The following INVS variants were observed in gnomAD, a reference collection of about 807,000 sequenced individuals.
INVS encodes inversin.
Under a neutral mutation model 108.8 loss-of-function variants are expected in INVS, and 86 were observed. The ratio of observed to expected loss-of-function variants is 0.79; its 90% confidence interval spans 0.66 to 0.95. The LOEUF (loss-of-function observed/expected upper bound fraction) is 0.95. Among genes scored for constraint, INVS ranks in the 40% least tolerant of loss-of-function variants. INVS has a pLI of 0.00. For synonymous variants in INVS, 455 were observed against 473.5 expected (o/e 0.96, Z 0.51); for missense variants, 1,169 against 1,297.4 (o/e 0.90, Z 1.52).
At chr9:100,202,144 C>A (rs1830552026) in intron 3 of INVS, among the ~76,000 whole-genome samples, 1 of 151,476 alleles carries the variant, frequency 6.6e-6, no homozygotes, top group African/African-American at 2.4e-5. Context: ...GTGCACTGAA[C>A]TTAATACTGT....
chr9:100,156,901 A>G (rs1229967192), intron 3 of INVS, among the ~76,000 whole-genome samples: 1 of 150,118 alleles, frequency 6.7e-6, no homozygotes, highest in East Asian at 2.0e-4. Context: ...GACCTTATAA[A>G]CCACTCAAAC....
chr9:100,252,032 G>C (rs565328975), intron 8 of INVS, among the ~76,000 whole-genome samples: 1 of 152,242 alleles, frequency 6.6e-6, no homozygotes, highest in South Asian at 2.1e-4. Context: ...TACCATTTCA[G>C]ACCAACAGGA....
rs182161563 is a variant in INVS, at chr9:100,255,341, A to G, written c.1464+2205A>G. On this transcript the variant is annotated intron_variant, in intron 10 of 16. Coordinates refer to ENST00000262457, the MANE Select transcript of INVS (RefSeq NM_014425.5). ...TGAGACAATGGGGTTTTCTAAATAT[A>G]CAATCATGTCATCCGCAAACAGGGA... Among the ~76,000 whole-genome samples the G allele has an allele frequency of 4.6e-5, 7 of 152,314 alleles. No individual in the cohort carries two copies. The East Asian group carries it at 9.6e-4, about 21-fold the overall frequency.
chr9:100,187,908 T>G (rs1830101119), intron 3 of INVS, among the ~76,000 whole-genome samples: 3 of 152,160 alleles, frequency 2.0e-5, no homozygotes, highest in African/African-American at 7.2e-5. Context: ...AGTTTTTTGT[T>G]TTGTTTTGGT....
intron 3 of INVS, among the ~76,000 whole-genome samples, chr9:100,146,793 T>C (rs1467159479): frequency 6.6e-6 from 1 of 152,232 alleles, no homozygotes; most frequent in Non-Finnish European, 1.5e-5. Context: ...AGCTAACATA[T>C]GGATGAATAA....
chr9:100,122,218 G>A (rs1326435359), intron 2 of INVS, among the ~76,000 whole-genome samples: 1 of 152,140 alleles, frequency 6.6e-6, no homozygotes, highest in East Asian at 1.9e-4. Context: ...GTTCTTCTGT[G>A]TCCTTGCTGA....
In INVS at chr9:100,121,575, C is replaced by A. The variant is rs546540734; in HGVS notation, c.107-4808C>A. ...CTTTGTAGTGATGTCATTCTTGATA[C>A]TGGGAATTTGTGTCTGCTCTGTTTT... On this transcript the variant is annotated intron_variant, in intron 2 of 16. Transcript: ENST00000262457. 7.9e-5 allele frequency among the ~76,000 whole-genome samples: 12 copies of A among 152,262 alleles called. No individual in the cohort carries two copies. The South Asian group carries it at 2.5e-3, about 32-fold the overall frequency.
chr9:100,212,497 C>T (rs1006924861), intron 3 of INVS, among the ~76,000 whole-genome samples: 1 of 152,082 alleles, frequency 6.6e-6, no homozygotes, highest in Non-Finnish European at 1.5e-5. Context: ...CCCTCCCCAA[C>T]AACCTTTTCT....
chr9:100,170,447 T>C (rs1443476009), intron 3 of INVS, among the ~76,000 whole-genome samples: 1 of 151,626 alleles, frequency 6.6e-6, no homozygotes, highest in Non-Finnish European at 1.5e-5. Context: ...ACAGCTGTGG[T>C]CCCAGCTACT....
At chr9:100,162,316 C>T (rs1385144860) in intron 3 of INVS, among the ~76,000 whole-genome samples, 1 of 152,154 alleles carries the variant, frequency 6.6e-6, no homozygotes. Context: ...TATTATTTTA[C>T]ACATCAAGCA....
chr9:100,108,950 A>G (rs1827258005), intron 2 of INVS, among the ~76,000 whole-genome samples: 2 of 152,244 alleles, frequency 1.3e-5, no homozygotes, highest in Non-Finnish European at 2.9e-5. Context: ...ATTAGGGCTT[A>G]CTTCTGAGCC....
At chr9:100,277,468 A>G (rs1406585003) in intron 12 of INVS, among the ~76,000 whole-genome samples, 1 of 152,188 alleles carries the variant, frequency 6.6e-6, no homozygotes, top group Non-Finnish European at 1.5e-5. Context: ...TTTCATCAGT[A>G]AAATGGAAAG....
intron 3 of INVS, among the ~76,000 whole-genome samples, chr9:100,161,177 A>T (rs1267638722): frequency 1.3e-5 from 2 of 151,416 alleles, no homozygotes; most frequent in Non-Finnish European, 2.9e-5. Flanking sequence ...GGAGTTTCAG[A>T]CCAGTCTGGC....
chr9:100,219,505 C>T (rs1393941566), intron 3 of INVS, among the ~76,000 whole-genome samples: 2 of 152,058 alleles, frequency 1.3e-5, no homozygotes, highest in Non-Finnish European at 2.9e-5. Flanking sequence ...CAGACAAAAC[C>T]CAGTGTGGTG....
intron 3 of INVS, among the ~76,000 whole-genome samples, chr9:100,168,211 G>A (rs1829427351): frequency 6.6e-6 from 1 of 151,962 alleles, no homozygotes; most frequent in South Asian, 2.1e-4. Flanking sequence ...TTATCCCTTG[G>A]TGATACTTCA....
At chr9:100,222,238 C>A (rs975046625) in intron 3 of INVS, among the ~76,000 whole-genome samples, 4 of 152,136 alleles carry the variant, frequency 2.6e-5, no homozygotes, top group Non-Finnish European at 5.9e-5. Flanking sequence ...ATCTACTGAG[C>A]ATTTGCTTTG....
intron 3 of INVS, among the ~76,000 whole-genome samples, chr9:100,208,457 C>T (rs1830738873): frequency 6.6e-6 from 1 of 152,164 alleles, no homozygotes; most frequent in African/African-American, 2.4e-5. Flanking sequence ...TCTTTTCCCA[C>T]CATCTAAGAA....
chr9:100,287,524 T>C (rs1395347032), intron 13 of INVS, among the ~76,000 whole-genome samples: 1 of 152,224 alleles, frequency 6.6e-6, no homozygotes, highest in Non-Finnish European at 1.5e-5. Context: ...ATTGGCTCTG[T>C]GTCCCCACCC....
At chr9:100,220,898 C>T (rs1831127682) in intron 3 of INVS, among the ~76,000 whole-genome samples, 3 of 151,882 alleles carry the variant, frequency 2.0e-5, no homozygotes, top group African/African-American at 7.3e-5. Flanking sequence ...ATTGCTTGAA[C>T]CCTGAAGGCA....
Sources: gnomAD v4.1 joint callset for allele counts (sites outside exome capture counted in the v4.1 genomes callset) on GRCh38, gnomAD v4.1.1 for gene constraint, MANE v1.5 for transcripts, NCBI Gene and HGNC (gene_info 2026-07-23, HGNC 2026-07-21) for gene names.